Variants in TBC1D8 observed in about 807,000 individuals in gnomAD.
TBC1D8 encodes TBC1 domain family member 8, also known as BUB2-like protein 1.
A neutral mutation model predicts 118.8 loss-of-function variants in TBC1D8; 65 were observed. The observed-to-expected ratio is 0.55, with a 90% CI of 0.45 to 0.67. TBC1D8 has a LOEUF of 0.67. Among genes scored for constraint, TBC1D8 ranks in the 30% least tolerant of loss-of-function variants. The pLI is 0.00. For synonymous variants in TBC1D8, 566 were observed against 595.8 expected, an observed-to-expected ratio of 0.95 and a Z score of 0.73; for missense variants, 1,376 against 1,471.2, an observed-to-expected ratio of 0.94 and a Z score of 1.06.
chr2:101,080,906 G>A (rs937575861), intron 2 of TBC1D8, among the ~76,000 whole-genome samples: 21 of 151,830 alleles, frequency 1.4e-4, no homozygotes, highest in African/African-American at 4.3e-4. Context: ...CTCCTGAGCA[G>A]CTGGCACCAC....
At chr2:101,098,679 T>G (rs2105466609) in intron 1 of TBC1D8, among the ~76,000 whole-genome samples, 1 of 152,286 alleles carries the variant, frequency 6.6e-6, no homozygotes, top group South Asian at 2.1e-4. Flanking sequence ...CAGGCCACAG[T>G]GCAATCAAAC....
intron 1 of TBC1D8, among the ~76,000 whole-genome samples, chr2:101,108,092 AGGGAG>A (rs1456756478): frequency 1.3e-3 from 88 of 67,084 alleles, no homozygotes; most frequent in East Asian, 4.2e-4. Context: ...GAGTGGGGGG[AGGGAG>A]GGGAGGGGAG....
rs575538268 is a variant in TBC1D8, at chr2:101,048,124, G to A, written c.872+2277C>T. Among the ~76,000 whole-genome samples, 89 of 152,330 alleles carry A rather than the reference G, an allele frequency of 5.8e-4. 2 individuals carry two copies. The South Asian group carries it at 0.018, about 31-fold the overall frequency. The stretch of plus-strand genomic sequence containing the variant: ...TGCCCCACACACACAGGGAGAGGGG[G>A]AGAAGCTTCAAATGGTGCTCCTGTG... On this transcript the variant is annotated intron_variant, in intron 5 of 19. Transcript: ENST00000409318.
chr2:101,081,885 T>G (rs1427811748), intron 2 of TBC1D8, among the ~76,000 whole-genome samples: 1 of 152,198 alleles, frequency 6.6e-6, no homozygotes, highest in Non-Finnish European at 1.5e-5. Context: ...ATGCCTGCAA[T>G]CCCAGCACTT....
At chr2:101,060,392 C>T (rs1312823730) in intron 2 of TBC1D8, among the ~76,000 whole-genome samples, 1 of 152,212 alleles carries the variant, frequency 6.6e-6, no homozygotes, top group Non-Finnish European at 1.5e-5. Context: ...AGGAAATTTA[C>T]AGCTTACAAA....
chr2:101,097,188 GA>G lies in TBC1D8; in HGVS notation c.128-6825del, dbSNP rs200465218. Among the ~76,000 whole-genome samples the G allele has an allele frequency of 6.0e-4, 89 of 149,426 alleles. No homozygotes were observed. In the South Asian group the frequency reaches 0.01, roughly 17 times the overall value. The stretch of plus-strand genomic sequence containing the variant: ...GGTAAAATATTTCAAATGTTTAAAG[GA>G]AAAAAAAACCTAGAATTCTATATCC... On this transcript the variant is annotated intron_variant, in intron 1 of 19. Coordinates refer to ENST00000409318, the MANE Select transcript of TBC1D8 (RefSeq NM_001330348.2).
chr2:101,124,859 G>A (rs1439793859), intron 1 of TBC1D8, among the ~76,000 whole-genome samples: 1 of 152,160 alleles, frequency 6.6e-6, no homozygotes, highest in Non-Finnish European at 1.5e-5. Context: ...GAAGCATCTG[G>A]AGACGTGATA....
intron 1 of TBC1D8, among the ~76,000 whole-genome samples, chr2:101,118,696 C>CAA (rs36069912): frequency 1.2e-3 from 93 of 80,538 alleles, no homozygotes; most frequent in South Asian, 3.6e-3. Context: ...AACTCCATCT[C>CAA]AAAAAAAAAA....
chr2:101,051,385 A>G (rs1055233862), intron 4 of TBC1D8, among the ~76,000 whole-genome samples: 3 of 152,218 alleles, frequency 2.0e-5, no homozygotes, highest in Non-Finnish European at 4.4e-5. Flanking sequence ...CATTCTGGAC[A>G]TGGGAACAGG....
intron 5 of TBC1D8, among the ~76,000 whole-genome samples, chr2:101,041,916 T>C (rs1015690315): frequency 7.3e-5 from 11 of 151,646 alleles, no homozygotes; most frequent in African/African-American, 2.7e-4. Flanking sequence ...TCCCAGCTAC[T>C]CCACCGGCTG....
chr2:101,087,785 A>C (rs893475696), intron 2 of TBC1D8, among the ~76,000 whole-genome samples: 1 of 152,226 alleles, frequency 6.6e-6, no homozygotes, highest in Non-Finnish European at 1.5e-5. Flanking sequence ...ACTAATAATA[A>C]AACTTTTTTA....
chr2:101,104,766 AG>A (rs1381410006), intron 1 of TBC1D8, among the ~76,000 whole-genome samples: 4 of 152,252 alleles, frequency 2.6e-5, no homozygotes, highest in Admixed American at 6.5e-5. Context: ...CTGTAATCCC[AG>A]CACTTTGGAA....
chr2:101,040,079 C>G, intron 6 of TBC1D8, 99 bp downstream of exon 6: 1 of 1,371,034 alleles, frequency 7.3e-7, no homozygotes, highest in Non-Finnish European at 1.0e-6. Context: ...AAAACTGTGC[C>G]GTCTGAACTT....
At chr2:101,069,931 TTC>T (rs1017394931) in intron 2 of TBC1D8, among the ~76,000 whole-genome samples, 1 of 151,864 alleles carries the variant, frequency 6.6e-6, no homozygotes, top group Non-Finnish European at 1.5e-5. Context: ...TTTTTTTTTT[TTC>T]ACACGGAATT....
intron 5 of TBC1D8, among the ~76,000 whole-genome samples, chr2:101,046,088 C>A (rs1395348135): frequency 6.6e-6 from 1 of 152,156 alleles, no homozygotes; most frequent in Admixed American, 6.5e-5. Context: ...CGTGCTTTTC[C>A]TCAAAGCCCA....
intron 12 of TBC1D8, 134 bp from the exon 13 acceptor site, chr2:101,028,566 C>G: frequency 7.6e-7 from 1 of 1,319,762 alleles, no homozygotes; most frequent in Non-Finnish European, 1.0e-6. Flanking sequence ...GCTGCAGCTG[C>G]TCGGCTTATT....
intron 19 of TBC1D8, among the ~76,000 whole-genome samples, chr2:101,009,288 C>G (rs1678996137): frequency 6.6e-6 from 1 of 151,874 alleles, no homozygotes; most frequent in Non-Finnish European, 1.5e-5. Context: ...CGCCTGTAGT[C>G]CCAGCTACTC....
At position 101,050,496 on chromosome 2, in the gene TBC1D8, C is replaced by G. The variant is rs1054929322; in HGVS notation, c.777G>C (p.Met259Ile). 1.9e-6 allele frequency: 3 copies of G among 1,613,860 alleles called. No homozygotes were observed. In the African/African-American group the frequency reaches 4.0e-5, roughly 22 times the overall value. Residue 259 changes from methionine to isoleucine, a missense_variant, in exon 5 of 20, where the codon ATG (methionine) becomes ATC (isoleucine). Met to Ile is a conservative substitution (Grantham distance 10). Transcript: ENST00000409318. Reference protein sequence around the residue: ...FLNLDEVFKVMEQLADVTLRR... With the variant: ...FLNLDEVFKVIEQLADVTLRR... ...GCAGCGTCACGTCGGCCAGCTGCTC[C>G]ATGACCTTAAACACCTCATCCAGGT...
At chr2:101,042,169 G>A (rs1681426804) in intron 5 of TBC1D8, among the ~76,000 whole-genome samples, 1 of 152,058 alleles carries the variant, frequency 6.6e-6, no homozygotes, top group African/African-American at 2.4e-5. Flanking sequence ...AATGACAAGA[G>A]AGAATGTTGA....
Sources: allele counts gnomAD v4.1 joint callset (sites outside exome capture counted in the v4.1 genomes callset), GRCh38; gene constraint gnomAD v4.1.1; transcripts MANE v1.5; gene names NCBI Gene and HGNC (gene_info 2026-07-23, HGNC 2026-07-21).